Variants in PRKCA observed in about 807,000 individuals in gnomAD.
PRKCA encodes the protein protein kinase C alpha.
A neutral mutation model predicts 87.0 loss-of-function variants in PRKCA; 27 were observed. That is an observed-to-expected ratio of 0.31 (90% CI 0.23 to 0.43). The LOEUF (loss-of-function observed/expected upper bound fraction) is 0.43. Among genes scored for constraint, PRKCA ranks in the 20% least tolerant of loss-of-function variants. The probability of loss-of-function intolerance (pLI) is 1.00; values close to 1 mark genes in which losing one functional copy is unlikely to be tolerated. For missense variants in PRKCA, 518 were observed against 852.3 expected, an observed-to-expected ratio of 0.61 and a Z score of 4.88; for synonymous variants, 329 against 311.1, an observed-to-expected ratio of 1.06 and a Z score of -0.61.
intron 2 of PRKCA, among the ~76,000 whole-genome samples, chr17:66,456,492 G>T (rs371403700): frequency 1.3e-5 from 2 of 152,202 alleles, no homozygotes; most frequent in Non-Finnish European, 2.9e-5. Context: ...AATAGTCAAA[G>T]ATCCTGCCCA....
intron 13 of PRKCA, among the ~76,000 whole-genome samples, chr17:66,749,193 T>C (rs1159410839): frequency 6.6e-6 from 1 of 152,056 alleles, no homozygotes; most frequent in Non-Finnish European, 1.5e-5. Context: ...TGGCTCTGAA[T>C]TGGGTATCTT....
chr17:66,585,498 C>T (rs185946714), intron 3 of PRKCA, among the ~76,000 whole-genome samples: 2 of 152,232 alleles, frequency 1.3e-5, no homozygotes, highest in African/African-American at 4.8e-5. Flanking sequence ...TAAATAATTT[C>T]TTTCTAGTTC....
intron 11 of PRKCA, 60 bp from the exon 12 acceptor site, chr17:66,741,599 T>A (rs3803821): frequency 0.52 from 803,035 of 1,542,016 alleles, 211,785 homozygotes; most frequent in African/African-American, 0.71. Context: ...TTTGAGAATG[T>A]AAAGTATACA....
At chr17:66,383,017 G>T (rs994456777) in intron 2 of PRKCA, among the ~76,000 whole-genome samples, 2 of 152,048 alleles carry the variant, frequency 1.3e-5, no homozygotes, top group African/African-American at 4.8e-5. Flanking sequence ...TGTGTACTTA[G>T]TTTTTTTGTA....
At chr17:66,649,144 T>C (rs1971526301) in intron 5 of PRKCA, among the ~76,000 whole-genome samples, 1 of 150,200 alleles carries the variant, frequency 6.7e-6, no homozygotes, top group Non-Finnish European at 1.5e-5. Context: ...CCCGCATTAG[T>C]TACTAGGAAT....
intron 13 of PRKCA, among the ~76,000 whole-genome samples, chr17:66,770,941 A>G (rs1974919912): frequency 1.3e-5 from 2 of 152,026 alleles, no homozygotes; most frequent in South Asian, 4.1e-4. Flanking sequence ...GAGAATTTGG[A>G]AAACGGGCAC....
chr17:66,614,844 A>C (rs1265521858), intron 3 of PRKCA, among the ~76,000 whole-genome samples: 1 of 152,212 alleles, frequency 6.6e-6, no homozygotes. Flanking sequence ...TCCAGTAGAG[A>C]CATTGTAATT....
At chr17:66,306,429 C>CT in intron 2 of PRKCA, 1 of 303,398 alleles carries the variant, frequency 3.3e-6, no homozygotes, top group Non-Finnish European at 6.0e-6. Context: ...AATGGAATCA[C>CT]TTTGTATTCA....
chr17:66,304,092 G>A (rs752720859), intron 1 of PRKCA, among the ~76,000 whole-genome samples: 104 of 152,130 alleles, frequency 6.8e-4, no homozygotes, highest in Non-Finnish European at 1.1e-3. Context: ...AATAATATAA[G>A]GGCCAGAGGT....
chr17:66,555,014 A>T (rs1195439391), intron 3 of PRKCA, among the ~76,000 whole-genome samples: 1 of 151,840 alleles, frequency 6.6e-6, no homozygotes, highest in East Asian at 1.9e-4. Context: ...AGTAGCTGAG[A>T]CTACAGGCGC....
chr17:66,468,730 G>A (rs1475211361), intron 2 of PRKCA, among the ~76,000 whole-genome samples: 1 of 152,160 alleles, frequency 6.6e-6, no homozygotes. Flanking sequence ...GGGTGGGAAA[G>A]TGGGAGGGGC....
At chr17:66,684,370 C>T (rs1368204633) in intron 5 of PRKCA, among the ~76,000 whole-genome samples, 1 of 152,254 alleles carries the variant, frequency 6.6e-6, no homozygotes, top group South Asian at 2.1e-4. Flanking sequence ...GTGGCAGAGC[C>T]AGAATTCAAA....
rs559685459 is a variant in PRKCA, at chr17:66,713,548, T to C, written c.919-19140T>C. On this transcript the variant is annotated intron_variant, in intron 8 of 16. Transcript: ENST00000413366. ...AGTCAACAAAGTCTCTTTTCTGACATGTTTTGTGTTGGTGCTTATTATGTT... is the reference window on the plus strand; with the variant it reads ...AGTCAACAAAGTCTCTTTTCTGACACGTTTTGTGTTGGTGCTTATTATGTT... Among the ~76,000 whole-genome samples the C allele has an allele frequency of 9.2e-5, 14 of 152,268 alleles. No individual in the cohort carries two copies. In the East Asian group the frequency reaches 2.7e-3, roughly 29 times the overall value.
chr17:66,788,736 G>C (rs181590554), intron 15 of PRKCA, 103 bp from the exon 16 acceptor site: 17 of 1,379,062 alleles, frequency 1.2e-5, no homozygotes, highest in Non-Finnish European at 4.9e-6. Context: ...CTGTCCAGGC[G>C]TCCACAAAGT....
At chr17:66,436,143 A>C (rs545857449) in intron 2 of PRKCA, among the ~76,000 whole-genome samples, 1 of 152,350 alleles carries the variant, frequency 6.6e-6, no homozygotes, top group East Asian at 1.9e-4. Context: ...AAAAGAGTGA[A>C]GAAAAATAAT....
intron 2 of PRKCA, among the ~76,000 whole-genome samples, chr17:66,440,231 A>C (rs1190557634): frequency 6.6e-6 from 1 of 152,230 alleles, no homozygotes; most frequent in Non-Finnish European, 1.5e-5. Context: ...AATAGCCCAA[A>C]ATGAGTCCAG....
At chr17:66,481,905 A>C (rs568015538) in intron 2 of PRKCA, among the ~76,000 whole-genome samples, 2 of 152,034 alleles carry the variant, frequency 1.3e-5, no homozygotes, top group Non-Finnish European at 2.9e-5. Context: ...GTTCAAGACT[A>C]GCCTGGCCAA....
intron 5 of PRKCA, among the ~76,000 whole-genome samples, chr17:66,685,991 C>CAG (rs1972616106): frequency 6.6e-6 from 1 of 152,140 alleles, no homozygotes; most frequent in South Asian, 2.1e-4. Flanking sequence ...GTGGGAACCA[C>CAG]TGAATCAGGG....
intron 2 of PRKCA, among the ~76,000 whole-genome samples, chr17:66,385,380 A>T (rs968691742): frequency 3.3e-5 from 5 of 152,226 alleles, no homozygotes; most frequent in African/African-American, 9.6e-5. Context: ...TCATTTAATC[A>T]GTAGCCTGGT....
Sources: allele counts gnomAD v4.1 joint callset (sites outside exome capture counted in the v4.1 genomes callset), GRCh38; gene constraint gnomAD v4.1.1; transcripts MANE v1.5; gene names NCBI Gene and HGNC (gene_info 2026-07-23, HGNC 2026-07-21).